The following NWD2 variants were observed in gnomAD, a reference collection of about 807,000 sequenced individuals.
NWD2 encodes NACHT and WD repeat domain containing 2.
NWD2 carries 37 observed loss-of-function variants against 132.7 expected under a neutral mutation model. The observed-to-expected ratio is 0.28, with a 90% confidence interval of 0.21 to 0.37. NWD2 has a LOEUF of 0.37. NWD2 is among the 10% of genes least tolerant of loss of function. The pLI, the probability that NWD2 is intolerant of heterozygous loss-of-function variation, is 1.00. For missense variants in NWD2, 1,592 were observed against 2,122.4 expected, an observed-to-expected ratio of 0.75 and a Z score of 4.91; for synonymous variants, 705 against 803.0, an observed-to-expected ratio of 0.88 and a Z score of 2.06.
At chr4:37,413,349 A>G (rs1368431621) in intron 3 of NWD2, among the ~76,000 whole-genome samples, 7 of 152,248 alleles carry the variant, frequency 4.6e-5, no homozygotes, top group Non-Finnish European at 8.8e-5. Flanking sequence ...ACATTTATGC[A>G]GCCAACAGAC....
At chr4:37,319,206 A>G (rs1026093934) in intron 1 of NWD2, among the ~76,000 whole-genome samples, 1 of 151,450 alleles carries the variant, frequency 6.6e-6, no homozygotes, top group Non-Finnish European at 1.5e-5. Context: ...TGTGGTTTTA[A>G]TTTGCATTTC....
chr4:37,250,148 A>G (rs531836690), intron 1 of NWD2, among the ~76,000 whole-genome samples: 44 of 129,980 alleles, frequency 3.4e-4, no homozygotes, highest in African/African-American at 1.1e-3. Flanking sequence ...AAAAGCATAT[A>G]TGTGTGTGTA....
At chr4:37,283,754 T>C (rs930088976) in intron 1 of NWD2, among the ~76,000 whole-genome samples, 2 of 152,102 alleles carry the variant, frequency 1.3e-5, no homozygotes. Context: ...ATCTGAGGAG[T>C]ATAAGATAAT....
intron 2 of NWD2, among the ~76,000 whole-genome samples, chr4:37,350,484 T>C (rs926025484): frequency 2.6e-5 from 4 of 152,220 alleles, no homozygotes; most frequent in Admixed American, 2.6e-4. Context: ...GCTCTCTGTT[T>C]CTCTATTATT....
chr4:37,371,592 G>C (rs1475423415), intron 3 of NWD2, among the ~76,000 whole-genome samples: 1 of 152,158 alleles, frequency 6.6e-6, no homozygotes, highest in Non-Finnish European at 1.5e-5. Context: ...TGAGGCAAGA[G>C]GCTTCCTTGT....
chr4:37,251,511 C>T (rs1268626939), intron 1 of NWD2, among the ~76,000 whole-genome samples: 3 of 152,130 alleles, frequency 2.0e-5, no homozygotes, highest in East Asian at 3.9e-4. Context: ...TCAAAGCTGC[C>T]ACCCAGAGGG....
intron 3 of NWD2, among the ~76,000 whole-genome samples, chr4:37,366,147 T>C (rs1425152301): frequency 2.0e-5 from 3 of 152,078 alleles, no homozygotes; most frequent in South Asian, 2.1e-4. Context: ...ATGCTGAACA[T>C]TGAGCAACAT....
chr4:37,255,793 A>C (rs944757617), intron 1 of NWD2, among the ~76,000 whole-genome samples: 1 of 152,148 alleles, frequency 6.6e-6, no homozygotes, highest in Non-Finnish European at 1.5e-5. Flanking sequence ...TATGACCCTG[A>C]GTCCCAGAGG....
chr4:37,414,192 C>G (rs1407430066), intron 3 of NWD2, among the ~76,000 whole-genome samples: 2 of 151,906 alleles, frequency 1.3e-5, no homozygotes, highest in African/African-American at 4.8e-5. Flanking sequence ...TACATTAAAA[C>G]TTTTATTTTA....
chr4:37,273,184 AT>A (rs997502594), intron 1 of NWD2, among the ~76,000 whole-genome samples: 4 of 151,764 alleles, frequency 2.6e-5, no homozygotes, highest in Non-Finnish European at 4.4e-5. Context: ...AGTTTAACAG[AT>A]TTTTTTATTG....
chr4:37,417,661 TTAAA>T (rs764550643), intron 3 of NWD2, among the ~76,000 whole-genome samples: 33 of 152,292 alleles, frequency 2.2e-4, no homozygotes, highest in Admixed American at 9.8e-4. Context: ...CTTTTGTTGA[TTAAA>T]TCATTTCCCA....
At chr4:37,401,053 A>G (rs1720886876) in intron 3 of NWD2, among the ~76,000 whole-genome samples, 1 of 152,230 alleles carries the variant, frequency 6.6e-6, no homozygotes. Context: ...CTTGTGTTTA[A>G]AAAGCAGATA....
intron 3 of NWD2, among the ~76,000 whole-genome samples, chr4:37,422,962 G>T (rs538017777): frequency 2.0e-5 from 3 of 151,538 alleles, no homozygotes; most frequent in African/African-American, 7.3e-5. Flanking sequence ...CAGGCTCACT[G>T]TGTACACATT....
chr4:37,364,691 TACACAC>T (rs57981065), intron 3 of NWD2, among the ~76,000 whole-genome samples: 2,026 of 146,492 alleles, frequency 0.014, 38 homozygotes, highest in African/African-American at 0.045. Flanking sequence ...TACCTCCACT[TACACAC>T]ACACACACAC....
intron 1 of NWD2, among the ~76,000 whole-genome samples, chr4:37,325,263 A>AT (rs561019657): frequency 2.9e-4 from 44 of 152,206 alleles, no homozygotes; most frequent in Admixed American, 1.2e-3. Flanking sequence ...ATAATAAAAT[A>AT]TTTTTTTATT....
intron 1 of NWD2, among the ~76,000 whole-genome samples, chr4:37,316,107 C>T (rs1353377367): frequency 2.0e-5 from 3 of 151,990 alleles, no homozygotes; most frequent in Non-Finnish European, 1.5e-5. Context: ...TTCCAGTATA[C>T]TTTATGTCTA....
chr4:37,447,148 C>T lies in NWD2; in HGVS notation c.5160C>T (p.His1720=). 6.4e-7 allele frequency: 1 copy of T among 1,551,416 alleles called. No individual in the cohort carries two copies. The highest frequency in any genetic ancestry group is 8.7e-7 in the Non-Finnish European group (1 of 1,147,006). ...ATGAAGCAACACCCTCCAAGAAACA[C>T]AACTCTTGTTATGAGCGGGTATGCT... is the stretch of plus-strand genomic sequence containing the variant. ...ESNEATPSKK[H]NSCYERVCSA... Residue 1720 remains histidine (H), a synonymous_variant, in exon 7 of 7, where the codon CAC becomes CAT. Transcript: ENST00000309447.
At chr4:37,269,321 C>G (rs1309646773) in intron 1 of NWD2, among the ~76,000 whole-genome samples, 2 of 151,784 alleles carry the variant, frequency 1.3e-5, no homozygotes, top group African/African-American at 4.8e-5. Context: ...GGGAGCAATG[C>G]AAAACTGATG....
At chr4:37,275,273 T>C (rs1451408314) in intron 1 of NWD2, among the ~76,000 whole-genome samples, 3 of 152,220 alleles carry the variant, frequency 2.0e-5, no homozygotes, top group Non-Finnish European at 2.9e-5. Flanking sequence ...ACAAGCATTC[T>C]TATACACCAA....
Sources: allele counts gnomAD v4.1 joint callset (sites outside exome capture counted in the v4.1 genomes callset), GRCh38; gene constraint gnomAD v4.1.1; transcripts MANE v1.5; gene names NCBI Gene and HGNC (gene_info 2026-07-23, HGNC 2026-07-21).